The following CHMP4C variants were observed in gnomAD, a reference collection of about 807,000 sequenced individuals.
CHMP4C encodes SNF7 homolog associated with Alix 3.
CHMP4C carries 28 observed loss-of-function variants against 29.0 expected under a neutral mutation model. The observed-to-expected ratio is 0.97, with a 90% CI of 0.72 to 1.32. The LOEUF is 1.32. Ranked by LOEUF, CHMP4C falls within the 40% of genes most tolerant of loss-of-function variation. The probability of loss-of-function intolerance (pLI) is 0.00; values close to 1 mark genes in which losing one functional copy is unlikely to be tolerated. For missense variants in CHMP4C, 291 were observed against 281.0 expected, an observed-to-expected ratio of 1.04 and a Z score of -0.25; for synonymous variants, 106 against 102.4, an observed-to-expected ratio of 1.04 and a Z score of -0.21.
intron 1 of CHMP4C, among the ~76,000 whole-genome samples, chr8:81,744,956 T>G (rs1219023551): frequency 1.3e-5 from 2 of 152,238 alleles, no homozygotes; most frequent in African/African-American, 4.8e-5. Context: ...CAAATGCGTG[T>G]TAAAATTTTC....
chr8:81,753,195 A>G lies in CHMP4C; in HGVS notation c.322A>G (p.Asn108Asp). ...NSHTNTEVLR[N>D]MGFAAKAMKS... ...ACACACCAACACTGAGGTGTTGAGGAACATGGGCTTTGCAGCAAAAGCGAT... is the reference window on the plus strand; with the variant it reads ...ACACACCAACACTGAGGTGTTGAGGGACATGGGCTTTGCAGCAAAAGCGAT... The change falls in exon 2 of 5, where the codon AAC (asparagine) becomes GAC (aspartate). Residue 108 changes from asparagine (N) to aspartate (D), a missense_variant. Transcript: ENST00000297265. 6.2e-7 allele frequency: 1 copy of G among 1,609,638 alleles called. No homozygotes were observed. The highest frequency in any genetic ancestry group is 1.1e-5 in the South Asian group (1 of 89,910).
intron 1 of CHMP4C, among the ~76,000 whole-genome samples, chr8:81,736,949 C>T (rs1273046911): frequency 6.6e-6 from 1 of 152,122 alleles, no homozygotes; most frequent in African/African-American, 2.4e-5. Context: ...CATCATCCAG[C>T]AAAAAGAATT....
intron 1 of CHMP4C, among the ~76,000 whole-genome samples, chr8:81,744,826 A>T (rs1234533771): frequency 2.0e-5 from 3 of 152,176 alleles, no homozygotes. Context: ...AGTGCCTAAC[A>T]CAGTGCCAGG....
intron 1 of CHMP4C, among the ~76,000 whole-genome samples, chr8:81,744,322 A>G (rs1808797385): frequency 6.6e-6 from 1 of 152,214 alleles, no homozygotes; most frequent in Non-Finnish European, 1.5e-5. Flanking sequence ...GATTTGTAGT[A>G]GGAGAAAGGG....
chr8:81,755,557 C>T (rs745382520), intron 3 of CHMP4C, 73 bp downstream of exon 3: 7 of 777,772 alleles, frequency 9.0e-6, no homozygotes, highest in East Asian at 5.3e-5. Context: ...ATATAGTAGG[C>T]ATGTTCCCTT....
intron 1 of CHMP4C, among the ~76,000 whole-genome samples, chr8:81,742,516 G>C (rs16909531): frequency 0.01 from 1,546 of 152,290 alleles, 25 homozygotes; most frequent in African/African-American, 0.035. Flanking sequence ...AAACATTTAA[G>C]AAGTACTTTG....
At chr8:81,739,425 G>C (rs576084428) in intron 1 of CHMP4C, among the ~76,000 whole-genome samples, 12 of 140,150 alleles carry the variant, frequency 8.6e-5, no homozygotes, top group Admixed American at 1.4e-4. Context: ...TTGTGGGGGG[G>C]GGTGGAAAAA....
chr8:81,743,999 C>A (rs1191339007), intron 1 of CHMP4C, among the ~76,000 whole-genome samples: 2 of 152,166 alleles, frequency 1.3e-5, no homozygotes, highest in Non-Finnish European at 2.9e-5. Flanking sequence ...ATTGCACTTC[C>A]AAATGCCCTT....
chr8:81,744,441 T>C (rs961836988), intron 1 of CHMP4C, among the ~76,000 whole-genome samples: 4 of 152,134 alleles, frequency 2.6e-5, no homozygotes, highest in African/African-American at 9.7e-5. Context: ...TTTATCTACA[T>C]AGAAGAAATG....
At chr8:81,758,022 T>C in intron 3 of CHMP4C, 120 bp from the exon 4 acceptor site, 1 of 865,634 alleles carries the variant, frequency 1.2e-6, no homozygotes, top group Non-Finnish European at 1.8e-6. Flanking sequence ...TTAAAATAAA[T>C]ATTCCATTTC....
At chr8:81,732,941 C>G (rs1808637898) in intron 1 of CHMP4C, 125 bp downstream of exon 1, 1 of 824,730 alleles carries the variant, frequency 1.2e-6, no homozygotes, top group Non-Finnish European at 1.9e-6. Context: ...TTTCTAGGAA[C>G]TGGTACTGAC....
In CHMP4C at chr8:81,759,230, A is replaced by AT. The variant is rs1809013216; in HGVS notation, c.*687dup. On this transcript the variant is annotated 3_prime_UTR_variant, in exon 5 of 5. Transcript: ENST00000297265. ...AAAGGAGCTTTAATTGACATTTATTATACCAATTAAGCTTGGAATGGGGCA... is the reference window on the plus strand; with the variant it reads ...AAAGGAGCTTTAATTGACATTTATTATTACCAATTAAGCTTGGAATGGGGCA... 6.6e-6 allele frequency: 1 copy of AT among 152,572 alleles called. No individual in the cohort carries two copies. Among genetic ancestry groups the AT allele is most frequent in the African/African-American group, 2.4e-5 (1 of 41,442 alleles). 9.5% of individuals were successfully genotyped at this position (152,572 alleles called of 1,614,324 possible).
At position 81,758,487 on chromosome 8, in the gene CHMP4C, C is replaced by T. The variant is rs188082333; in HGVS notation, c.645C>T (p.Ser215=). ...ATCTATTTTATGTTCCAGCATCTTC[C>T]CAGAGGGCAGAAGAAGAGGATGATG... is the stretch of plus-strand genomic sequence containing the variant. The part of the protein sequence containing the change: ...STARRSRAAS[S]QRAEEEDDDI... The change falls in exon 5 of 5, where the codon TCC becomes TCT. Residue 215 remains serine (S), a synonymous_variant. Transcript: ENST00000297265. 6 of 1,612,484 alleles carry T rather than the reference C, an allele frequency of 3.7e-6. No homozygotes were observed. The highest frequency in any genetic ancestry group is 4.5e-5 in the East Asian group (2 of 44,868).
At chr8:81,754,388 T>A (rs549831031) in intron 2 of CHMP4C, among the ~76,000 whole-genome samples, 1 of 152,268 alleles carries the variant, frequency 6.6e-6, no homozygotes, top group Non-Finnish European at 1.5e-5. Context: ...TTGTTTTATA[T>A]TCAGTATAAA....
chr8:81,752,196 T>A (rs964408513), intron 1 of CHMP4C, among the ~76,000 whole-genome samples: 1 of 152,176 alleles, frequency 6.6e-6, no homozygotes, highest in Non-Finnish European at 1.5e-5. Flanking sequence ...ACCATTTGAG[T>A]TCTTTTGCCA....
Position 81,753,180 on chromosome 8 carries a change from A to G in CHMP4C, c.307A>G (p.Thr103Ala), listed in dbSNP as rs369838956. Reference protein sequence around the residue: ...REALENSHTNTEVLRNMGFAA... With the variant: ...REALENSHTNAEVLRNMGFAA... The stretch of plus-strand genomic sequence containing the variant: ...AGCCCTGGAGAACTCACACACCAAC[A>G]CTGAGGTGTTGAGGAACATGGGCTT... The change falls in exon 2 of 5, where the codon ACT (threonine) becomes GCT (alanine). Residue 103 changes from threonine to alanine, a missense_variant. Physicochemically the swap from Thr to Ala is moderately conservative, Grantham distance 58 (BLOSUM62 0). Coordinates refer to ENST00000297265, the MANE Select transcript of CHMP4C (RefSeq NM_152284.4). 3.0e-5 allele frequency: 48 copies of G among 1,611,822 alleles called. No homozygotes were observed. The highest frequency in any genetic ancestry group is 4.0e-5 in the Non-Finnish European group (47 of 1,178,828).
chr8:81,738,129 C>T (rs180679982), intron 1 of CHMP4C, among the ~76,000 whole-genome samples: 2 of 152,306 alleles, frequency 1.3e-5, no homozygotes, highest in East Asian at 1.9e-4. Context: ...TTTTCCCCCT[C>T]ATCCTAGTCC....
chr8:81,736,102 A>G (rs57089936), intron 1 of CHMP4C, among the ~76,000 whole-genome samples: 2 of 126,568 alleles, frequency 1.6e-5, no homozygotes, highest in African/African-American at 6.9e-5. Flanking sequence ...TAAATAAATA[A>G]ATAAATAAAT....
At chr8:81,757,391 C>T (rs1055330692) in intron 3 of CHMP4C, among the ~76,000 whole-genome samples, 1 of 152,202 alleles carries the variant, frequency 6.6e-6, no homozygotes, top group Non-Finnish European at 1.5e-5. Flanking sequence ...TCAGTTGTGA[C>T]TCCCAAATTC....
Sources: allele counts gnomAD v4.1 joint callset (sites outside exome capture counted in the v4.1 genomes callset), GRCh38; gene constraint gnomAD v4.1.1; transcripts MANE v1.5; gene names NCBI Gene and HGNC (gene_info 2026-07-23, HGNC 2026-07-21).